CSMD1: variants seen among roughly 807,000 people sequenced by gnomAD.
CSMD1 encodes CUB and Sushi multiple domains 1.
In CSMD1, 213 loss-of-function variants were observed where a neutral mutation model predicts 417.5. The ratio of observed to expected loss-of-function variants is 0.51; its 90% CI spans 0.46 to 0.57. The LOEUF is 0.57. Among genes scored for constraint, CSMD1 ranks in the 20% least tolerant of loss-of-function variants. CSMD1 has a pLI of 0.00. For missense variants in CSMD1, 6,923 were observed against 4,529.7 expected, an observed-to-expected ratio of 1.53 and a Z score of -15.17; for synonymous variants, 2,862 against 1,736.8, an observed-to-expected ratio of 1.65 and a Z score of -16.11.
Position 3,803,245 on chromosome 8 carries a change from T to C in CSMD1, c.819-49203A>G, listed in dbSNP as rs182392970. On this transcript the variant is annotated intron_variant, in intron 5 of 69. Transcript: ENST00000635120. ...TGTGCCAACCCCCATTCTGACTGCT[T>C]GGCATAAAGTCAGGAACACGGGTTC... Among the ~76,000 whole-genome samples the C allele has an allele frequency of 3.2e-4, 48 of 152,290 alleles. 1 individual carries two copies. In the Middle Eastern group the frequency reaches 0.024, roughly 76 times the overall value.
In CSMD1 at chr8:4,920,994, G is replaced by C. The variant is rs61311441; in HGVS notation, c.85+73338C>G. Among the ~76,000 whole-genome samples the C allele has an allele frequency of 1.7e-4, 4 of 24,126 alleles. No individual in the cohort carries two copies. The Admixed American group carries it at 2.9e-3, about 18-fold the overall frequency. The allele number at this position is 24,126 out of a possible 152,430, so 15.8% of individuals were successfully genotyped here. A position where few individuals can be genotyped will look rare whatever the true frequency, so the allele number is the denominator to read the frequency against. On this transcript the variant is annotated intron_variant, in intron 1 of 69. Transcript: ENST00000635120. Reference sequence around the variant, plus strand: ...AGAAAGAAAGAAACAAAGAAAGAAAGAAAAGAAAGAAAGAAAGAAAAGAAA... The same window carrying C: ...AGAAAGAAAGAAACAAAGAAAGAAACAAAAGAAAGAAAGAAAGAAAAGAAA...
intron 1 of CSMD1, among the ~76,000 whole-genome samples, chr8:4,646,128 G>T (rs539663276): frequency 1.0e-3 from 159 of 152,354 alleles, no homozygotes; most frequent in African/African-American, 3.8e-3. Flanking sequence ...AATAATGCAA[G>T]TTATTCTGAA....
chr8:3,951,724 C>G (rs538182596), intron 5 of CSMD1, among the ~76,000 whole-genome samples: 1 of 151,960 alleles, frequency 6.6e-6, no homozygotes, highest in Non-Finnish European at 1.5e-5. Flanking sequence ...TGGGTATTAA[C>G]AACATGGGGG....
intron 6 of CSMD1, among the ~76,000 whole-genome samples, chr8:3,732,498 T>C (rs1169240996): frequency 1.3e-5 from 2 of 151,788 alleles, no homozygotes; most frequent in Admixed American, 6.5e-5. Context: ...ATAAGCTCAA[T>C]AGCTATAAGA....
chr8:4,169,527 G>A (rs1033097440), intron 3 of CSMD1, among the ~76,000 whole-genome samples: 2 of 152,246 alleles, frequency 1.3e-5, no homozygotes, highest in Admixed American at 1.3e-4. Context: ...TCCTCCAGAT[G>A]AAATGGCAGC....
chr8:4,471,634 C>T (rs1800539252), intron 2 of CSMD1, among the ~76,000 whole-genome samples: 1 of 152,010 alleles, frequency 6.6e-6, no homozygotes, highest in African/African-American at 2.4e-5. Context: ...TCTGCGGCGA[C>T]TGGTTGGAAA....
Position 4,419,949 on chromosome 8 carries a change from C to T in CSMD1, c.415+4G>A. 6 of 1,552,874 alleles carry T rather than the reference C, an allele frequency of 3.9e-6. No individual in the cohort carries two copies. Among genetic ancestry groups the T allele is most frequent in the Non-Finnish European group, 5.3e-6 (6 of 1,141,254 alleles). Reference sequence around the variant, plus strand: ...GCATGTGCAAAACACAACCAATCTCCTACCTTCATATAATGCTTTGAAACC... The same window carrying T: ...GCATGTGCAAAACACAACCAATCTCTTACCTTCATATAATGCTTTGAAACC... On this transcript the variant is annotated splice_donor_region_variant and intron_variant, in intron 3 of 69. Transcript: ENST00000635120.
intron 12 of CSMD1, among the ~76,000 whole-genome samples, chr8:3,425,998 T>C (rs1813813637): frequency 6.6e-6 from 1 of 152,132 alleles, no homozygotes; most frequent in Admixed American, 6.6e-5. Flanking sequence ...AAAAGCTGGG[T>C]CTATGTAGAA....
intron 5 of CSMD1, among the ~76,000 whole-genome samples, chr8:3,773,575 C>T (rs928503647): frequency 1.3e-5 from 2 of 152,194 alleles, no homozygotes; most frequent in South Asian, 4.1e-4. Flanking sequence ...GCATGAGCCA[C>T]CACACCCGTC....
At chr8:4,088,442 CTCTG>C (rs368757723) in intron 3 of CSMD1, among the ~76,000 whole-genome samples, 2 of 152,332 alleles carry the variant, frequency 1.3e-5, no homozygotes, top group African/African-American at 4.8e-5. Context: ...ATTTCTCAGC[CTCTG>C]TCTCTCTCTA....
chr8:3,254,202 C>T (rs999327931), intron 26 of CSMD1, among the ~76,000 whole-genome samples: 15 of 152,102 alleles, frequency 9.9e-5, no homozygotes, highest in African/African-American at 3.4e-4. Context: ...GAATATTGGC[C>T]CCCACTCTCT....
chr8:4,435,499 TG>T (rs1353366076), intron 2 of CSMD1, among the ~76,000 whole-genome samples: 3 of 152,216 alleles, frequency 2.0e-5, no homozygotes. Flanking sequence ...TGATATGATT[TG>T]TCCAGGAAAA....
Position 3,230,154 on chromosome 8 carries a change from C to G in CSMD1, c.4231G>C (p.Asp1411His). Residue 1411 changes from aspartate (D) to histidine (H), a missense_variant, in exon 27 of 70, where the codon GAC (aspartate) becomes CAC (histidine). Transcript: ENST00000635120. The stretch of plus-strand genomic sequence containing the variant: ...GGGTCACACTGGAATGTGACGGTGT[C>G]TCCAGCCTCTCTGCTGTCTCCATAG... ...TRYGDSREAG[D>H]TVTFQCDPGY... is the part of the protein sequence containing the mutation. 2 of 1,613,622 alleles carry G rather than the reference C, an allele frequency of 1.2e-6. No individual in the cohort carries two copies. The highest frequency in any genetic ancestry group is 1.7e-6 in the Non-Finnish European group (2 of 1,179,730).
intron 2 of CSMD1, among the ~76,000 whole-genome samples, chr8:4,501,321 G>A (rs746646087): frequency 3.0e-4 from 45 of 152,072 alleles, no homozygotes; most frequent in Non-Finnish European, 5.3e-4. Context: ...TTGTCTTAAT[G>A]TAAGATTAAC....
intron 5 of CSMD1, among the ~76,000 whole-genome samples, chr8:3,796,717 A>T (rs935310930): frequency 1.3e-5 from 2 of 150,946 alleles, no homozygotes; most frequent in African/African-American, 4.8e-5. Flanking sequence ...GGTAGGAAAC[A>T]ATTCTATATG....
chr8:3,549,006 C>T (rs1242012906), intron 10 of CSMD1, among the ~76,000 whole-genome samples: 2 of 152,098 alleles, frequency 1.3e-5, no homozygotes, highest in East Asian at 3.9e-4. Flanking sequence ...GGTTTCCTCA[C>T]CCTCTAGCCT....
Position 3,080,749 on chromosome 8 carries a change from C to G in CSMD1, c.7474+6348G>C, listed in dbSNP as rs144125001. Among the ~76,000 whole-genome samples, 1,450 of 152,254 alleles carry G rather than the reference C, an allele frequency of 9.5e-3. 18 individuals are homozygous for G. Among genetic ancestry groups the G allele is most frequent in the African/African-American group, 0.033 (1,378 of 41,552 alleles). On this transcript the variant is annotated intron_variant, in intron 49 of 69. Coordinates refer to ENST00000635120, the MANE Select transcript of CSMD1 (RefSeq NM_033225.6). Reference sequence around the variant, plus strand: ...TATCCTATATTATTTATTGAATCCTCTCAATAATTCTGGGACGTAGATATC... The same window carrying G: ...TATCCTATATTATTTATTGAATCCTGTCAATAATTCTGGGACGTAGATATC...
chr8:3,832,116 A>T (rs1802413781), intron 5 of CSMD1, among the ~76,000 whole-genome samples: 1 of 152,138 alleles, frequency 6.6e-6, no homozygotes, highest in African/African-American at 2.4e-5. Flanking sequence ...GCATGTGGGC[A>T]AACAGTAATT....
At chr8:4,026,504 C>G (rs541272823) in intron 4 of CSMD1, among the ~76,000 whole-genome samples, 1 of 152,128 alleles carries the variant, frequency 6.6e-6, no homozygotes, top group Non-Finnish European at 1.5e-5. Context: ...AAGAAAACCA[C>G]TGGAGGATAT....
Sources: allele counts gnomAD v4.1 joint callset (sites outside exome capture counted in the v4.1 genomes callset), GRCh38; gene constraint gnomAD v4.1.1; transcripts MANE v1.5; gene names NCBI Gene and HGNC (gene_info 2026-07-23, HGNC 2026-07-21).